The following PCDH15 variants were observed in gnomAD, a reference collection of about 807,000 sequenced individuals.
PCDH15 encodes the protein protocadherin-15.
PCDH15 carries 129 observed loss-of-function variants against 178.5 expected under a neutral mutation model. The ratio of observed to expected loss-of-function variants is 0.72; its 90% confidence interval spans 0.63 to 0.84. The LOEUF (loss-of-function observed/expected upper bound fraction) is 0.84. Ranked by LOEUF, PCDH15 falls within the 40% of genes least tolerant of loss-of-function variation. PCDH15 has a pLI of 0.00. For missense variants in PCDH15, 2,230 were observed against 2,099.9 expected (o/e 1.06, Z -1.21); for synonymous variants, 800 against 732.0 (o/e 1.09, Z -1.50).
At chr10:55,297,978 G>T (rs1843175992) in intron 1 of PCDH15, among the ~76,000 whole-genome samples, 1 of 152,042 alleles carries the variant, frequency 6.6e-6, no homozygotes, top group African/African-American at 2.4e-5. Context: ...TAACATTTGG[G>T]AGAGGAGATG....
At chr10:55,441,451 A>AAAGG (rs1839182339) in intron 2 of PCDH15, among the ~76,000 whole-genome samples, 1 of 85,384 alleles carries the variant, frequency 1.2e-5, no homozygotes, top group Non-Finnish European at 2.0e-5. Flanking sequence ...AGACCAAAAG[A>AAAGG]AAGGAAGGAA....
intron 8 of PCDH15, among the ~76,000 whole-genome samples, chr10:54,314,418 C>T (rs1048155097): frequency 7.3e-5 from 11 of 151,710 alleles, no homozygotes; most frequent in Admixed American, 4.6e-4. Flanking sequence ...TTAATGCCAG[C>T]GTAATATACT....
chr10:54,921,710 A>AT (rs928103971), intron 2 of PCDH15, among the ~76,000 whole-genome samples: 1 of 152,096 alleles, frequency 6.6e-6, no homozygotes, highest in African/African-American at 2.4e-5. Context: ...TATGTACCAC[A>AT]TTTTTTTCAT....
At chr10:54,078,724 T>A (rs1367039216) in intron 17 of PCDH15, among the ~76,000 whole-genome samples, 1 of 151,580 alleles carries the variant, frequency 6.6e-6, no homozygotes, top group African/African-American at 2.4e-5. Context: ...CACAGACAAG[T>A]GATTTTAAAG....
chr10:54,576,125 A>G (rs2090452907), intron 2 of PCDH15, among the ~76,000 whole-genome samples: 1 of 58,488 alleles, frequency 1.7e-5, no homozygotes. Context: ...CTATGTATGT[A>G]CGTATGTATC....
intron 2 of PCDH15, among the ~76,000 whole-genome samples, chr10:55,609,013 TATAC>T (rs201147388): frequency 0.073 from 10,640 of 146,486 alleles, 763 homozygotes; most frequent in East Asian, 0.31. Context: ...GTTATATATA[TATAC>T]ACACACACAC....
intron 2 of PCDH15, among the ~76,000 whole-genome samples, chr10:55,045,861 C>T (rs935869631): frequency 5.9e-5 from 9 of 151,898 alleles, no homozygotes; most frequent in Non-Finnish European, 1.2e-4. Context: ...ATGACTCTCA[C>T]CACAAAATTA....
chr10:53,823,176 G>C (rs759303089), intron 32 of PCDH15: 1 of 1,613,874 alleles, frequency 6.2e-7, no homozygotes, highest in East Asian at 2.2e-5. Context: ...ATCCTCATCA[G>C]ATAGAAATGT....
intron 2 of PCDH15, among the ~76,000 whole-genome samples, chr10:54,622,650 TATAC>T (rs2093406139): frequency 1.0e-5 from 1 of 95,980 alleles, no homozygotes; most frequent in Non-Finnish European, 1.9e-5. Context: ...TAATTATATA[TATAC>T]TATATAATAT....
Position 53,857,274 on chromosome 10 carries a change from A to G in PCDH15, c.3718-11T>C, listed in dbSNP as rs1230519759. 1.9e-6 allele frequency: 3 copies of G among 1,597,506 alleles called. No homozygotes were observed. Among genetic ancestry groups the G allele is most frequent in the Non-Finnish European group, 2.6e-6 (3 of 1,165,238 alleles). ...ATTGACCACGGAGACCTGAAAGAAGAAAAAACAGAATTCATTTAATTTTTA... is the reference window on the plus strand; with the variant it reads ...ATTGACCACGGAGACCTGAAAGAAGGAAAAACAGAATTCATTTAATTTTTA... On this transcript the variant is annotated splice_polypyrimidine_tract_variant and intron_variant, in intron 27 of 37. Transcript: ENST00000644397.
intron 13 of PCDH15, among the ~76,000 whole-genome samples, chr10:54,170,965 C>T (rs901237326): frequency 3.3e-4 from 50 of 152,086 alleles, no homozygotes; most frequent in Admixed American, 3.3e-3. Flanking sequence ...TTTGCCCCAC[C>T]CAGGACTGGC....
intron 1 of PCDH15, among the ~76,000 whole-genome samples, chr10:55,260,088 A>G (rs570806494): frequency 3.3e-5 from 5 of 151,806 alleles, no homozygotes; most frequent in East Asian, 1.9e-4. Context: ...GGAGCTGGAG[A>G]GTTAATTTGA....
chr10:53,929,487 A>G (rs1281606032), intron 25 of PCDH15, among the ~76,000 whole-genome samples: 1 of 152,168 alleles, frequency 6.6e-6, no homozygotes, highest in Non-Finnish European at 1.5e-5. Flanking sequence ...TGTACTATAA[A>G]TATAAGGCTA....
chr10:54,401,280 C>G (rs1565180493), intron 3 of PCDH15, among the ~76,000 whole-genome samples: 1 of 151,596 alleles, frequency 6.6e-6, no homozygotes, highest in Non-Finnish European at 1.5e-5. Flanking sequence ...ACTTCAATAT[C>G]ACCTACACAG....
intron 6 of PCDH15, among the ~76,000 whole-genome samples, chr10:54,341,741 A>G (rs545171129): frequency 6.6e-6 from 1 of 152,190 alleles, no homozygotes; most frequent in Non-Finnish European, 1.5e-5. Context: ...TGATAGTGAT[A>G]CGGACAATGA....
intron 1 of PCDH15, among the ~76,000 whole-genome samples, chr10:54,738,811 G>A (rs1485399279): frequency 6.6e-6 from 1 of 151,846 alleles, no homozygotes; most frequent in Non-Finnish European, 1.5e-5. Context: ...TGCTGAAAAG[G>A]CATTCCATAA....
At chr10:54,677,449 A>G (rs911366090) in intron 1 of PCDH15, among the ~76,000 whole-genome samples, 1 of 152,154 alleles carries the variant, frequency 6.6e-6, no homozygotes, top group Non-Finnish European at 1.5e-5. Flanking sequence ...TAAATCAGAT[A>G]TAATGATAAT....
intron 2 of PCDH15, among the ~76,000 whole-genome samples, chr10:55,434,460 T>C (rs1286254223): frequency 1.3e-5 from 2 of 152,156 alleles, no homozygotes; most frequent in Non-Finnish European, 2.9e-5. Flanking sequence ...ATTGGTATGG[T>C]TTTTTATTAA....
At chr10:55,554,738 C>T (rs1305995365) in intron 2 of PCDH15, among the ~76,000 whole-genome samples, 1 of 152,050 alleles carries the variant, frequency 6.6e-6, no homozygotes, top group Non-Finnish European at 1.5e-5. Context: ...GAGGGACAAC[C>T]ATATTAACTA....
Sources: allele counts gnomAD v4.1 joint callset (sites outside exome capture counted in the v4.1 genomes callset), GRCh38; gene constraint gnomAD v4.1.1; transcripts MANE v1.5; gene names NCBI Gene and HGNC (gene_info 2026-07-23, HGNC 2026-07-21).